FANCC: variants seen among roughly 807,000 people sequenced by gnomAD.
FANCC encodes Fanconi anemia group C protein.
Under a neutral mutation model 71.3 loss-of-function variants are expected in FANCC, and 55 were observed. The observed-to-expected ratio is 0.77, with a 90% CI of 0.62 to 0.97. FANCC has a LOEUF of 0.97. FANCC is among the 50% of genes least tolerant of loss of function. FANCC has a pLI of 0.00. For missense variants in FANCC, 678 were observed against 670.9 expected (o/e 1.01, Z -0.12); for synonymous variants, 275 against 244.9 (o/e 1.12, Z -1.15).
At chr9:95,115,966 A>G (rs1009881060) in intron 11 of FANCC, among the ~76,000 whole-genome samples, 2 of 152,238 alleles carry the variant, frequency 1.3e-5, no homozygotes, top group African/African-American at 4.8e-5. Context: ...CACTTCTTCA[A>G]TCTGTGACCA....
At chr9:95,177,420 C>T (rs1192437144) in intron 4 of FANCC, among the ~76,000 whole-genome samples, 2 of 152,188 alleles carry the variant, frequency 1.3e-5, no homozygotes, top group Non-Finnish European at 2.9e-5. Flanking sequence ...CATGACTCTG[C>T]ACCACTGTAG....
At chr9:95,103,994 C>T (rs1201286297) in intron 14 of FANCC, among the ~76,000 whole-genome samples, 1 of 152,172 alleles carries the variant, frequency 6.6e-6, no homozygotes, top group East Asian at 1.9e-4. Flanking sequence ...GAGGTGGCTG[C>T]GCTCGTGCTA....
chr9:95,161,929 C>T (rs1022092944), intron 6 of FANCC, among the ~76,000 whole-genome samples: 3 of 151,366 alleles, frequency 2.0e-5, no homozygotes, highest in East Asian at 3.9e-4. Flanking sequence ...GCAACCTCCG[C>T]TTCCCAGGTT....
intron 4 of FANCC, among the ~76,000 whole-genome samples, chr9:95,211,347 G>C: frequency 6.6e-6 from 1 of 152,164 alleles, no homozygotes; most frequent in East Asian, 1.9e-4. Context: ...ATAGAGAAAA[G>C]GCTCCAGAAA....
intron 4 of FANCC, among the ~76,000 whole-genome samples, chr9:95,211,730 C>T (rs1052482272): frequency 2.0e-5 from 3 of 151,362 alleles, no homozygotes; most frequent in Non-Finnish European, 4.4e-5. Context: ...TGACCCATAA[C>T]CAAAAAGAAA....
At position 95,238,886 on chromosome 9, in the gene FANCC, GGCT is replaced by G. The variant is rs556192628; in HGVS notation, c.345+1760_345+1762del. ...ATTTCTCTGTTTTAAATACTCTGGT[GGCT>G]GCCCCACTGTCATCAAGATAAAAAC... On this transcript the variant is annotated intron_variant, in intron 4 of 14. Transcript: ENST00000289081. Among the ~76,000 whole-genome samples, 538 of 152,190 alleles carry G rather than the reference GGCT, an allele frequency of 3.5e-3. 5 individuals are homozygous for G. The highest frequency in any genetic ancestry group is 5.0e-3 in the Non-Finnish European group (338 of 68,010).
intron 4 of FANCC, among the ~76,000 whole-genome samples, chr9:95,179,658 C>G (rs1292880702): frequency 6.6e-6 from 1 of 152,080 alleles, no homozygotes; most frequent in Non-Finnish European, 1.5e-5. Flanking sequence ...GTATTCTATT[C>G]TTAAGAGGAT....
chr9:95,256,510 C>T (rs1831666925), intron 1 of FANCC, among the ~76,000 whole-genome samples: 1 of 152,128 alleles, frequency 6.6e-6, no homozygotes, highest in African/African-American at 2.4e-5. Context: ...CACCACCAGG[C>T]CTGCCTTACA....
At chr9:95,242,596 T>C (rs1830702421) in intron 3 of FANCC, among the ~76,000 whole-genome samples, 1 of 151,818 alleles carries the variant, frequency 6.6e-6, no homozygotes, top group Non-Finnish European at 1.5e-5. Flanking sequence ...TATGCAAACT[T>C]AGTTCAAAAG....
At chr9:95,278,694 A>G (rs529241060) in intron 1 of FANCC, among the ~76,000 whole-genome samples, 2 of 152,322 alleles carry the variant, frequency 1.3e-5, no homozygotes, top group African/African-American at 4.8e-5. Flanking sequence ...AATATTTTCA[A>G]CTTATGATGA....
Position 95,125,144 on chromosome 9 carries a change from G to T in FANCC, c.938C>A (p.Ala313Asp). Residue 313 changes from alanine to aspartate, a missense_variant, in exon 10 of 15, where the codon GCC (alanine) becomes GAC (aspartate). By Grantham distance (126) the Ala-to-Asp change is moderately radical (BLOSUM62 -2). Transcript: ENST00000289081. ...GCACTGCGTAAACACCTGAATAGTG[G>T]CTATGATTTCCAGGGCCCCATCGGT... ...LETDGALEII[A>D]TIQVFTQCFV... The T allele has an allele frequency of 1.2e-6, 2 of 1,614,178 alleles. No homozygotes were observed. The highest frequency in any genetic ancestry group is 1.7e-6 in the Non-Finnish European group (2 of 1,180,030).
intron 4 of FANCC, among the ~76,000 whole-genome samples, chr9:95,230,741 G>A (rs1829954426): frequency 6.6e-6 from 1 of 152,160 alleles, no homozygotes; most frequent in Non-Finnish European, 1.5e-5. Flanking sequence ...CCACAGTGTG[G>A]AAGGCGACCC....
chr9:95,224,168 A>G (rs1014617671), intron 4 of FANCC, among the ~76,000 whole-genome samples: 2 of 152,208 alleles, frequency 1.3e-5, no homozygotes, highest in African/African-American at 4.8e-5. Flanking sequence ...CTGAACACAT[A>G]AACATTTAAA....
intron 6 of FANCC, among the ~76,000 whole-genome samples, chr9:95,153,985 C>T (rs967999715): frequency 6.6e-6 from 1 of 152,108 alleles, no homozygotes; most frequent in Non-Finnish European, 1.5e-5. Flanking sequence ...GTGGCTCATG[C>T]CTGTAATCCC....
chr9:95,166,499 C>T (rs1831078121), intron 6 of FANCC, among the ~76,000 whole-genome samples: 1 of 152,056 alleles, frequency 6.6e-6, no homozygotes, highest in Admixed American at 6.5e-5. Context: ...CATTTCCCTC[C>T]CCAGTTTATG....
intron 4 of FANCC, among the ~76,000 whole-genome samples, chr9:95,200,250 C>G (rs964541493): frequency 6.6e-6 from 1 of 152,186 alleles, no homozygotes; most frequent in Admixed American, 6.5e-5. Flanking sequence ...TAGTACCCAC[C>G]ACTTACTGGC....
At position 95,292,529 on chromosome 9, in the gene FANCC, G is replaced by A. The variant is rs1051565859; in HGVS notation, c.-79+24997C>T. The A allele has an allele frequency of 1.0e-5, 15 of 1,487,900 alleles. No homozygotes were observed. In the African/African-American group the frequency reaches 1.1e-4, roughly 11 times the overall value. 92.2% of individuals were successfully genotyped at this position (1,487,900 alleles called of 1,614,324 possible). On this transcript the variant is annotated intron_variant, in intron 1 of 14. Transcript: ENST00000289081. ...AGCAGCCCGCGGCCTCCGTGCTGGC[G>A]GGGGAGCTGATCCAGCAGTAGGTGA... is the stretch of plus-strand genomic sequence containing the variant.
intron 1 of FANCC, among the ~76,000 whole-genome samples, chr9:95,313,857 T>C (rs145744335): frequency 8.3e-4 from 127 of 152,304 alleles, no homozygotes; most frequent in Admixed American, 2.3e-3. Flanking sequence ...GTCATCTCAA[T>C]AGATGCAGAA....
chr9:95,117,434 G>C (rs1268132948), intron 10 of FANCC, 44 bp from the exon 11 acceptor site: 2 of 1,541,232 alleles, frequency 1.3e-6, no homozygotes, highest in Middle Eastern at 1.7e-4. Context: ...CATTAAGATT[G>C]AAACGGGGTC....
Sources: gnomAD v4.1 joint callset for allele counts (sites outside exome capture counted in the v4.1 genomes callset) on GRCh38, gnomAD v4.1.1 for gene constraint, MANE v1.5 for transcripts, NCBI Gene and HGNC (gene_info 2026-07-23, HGNC 2026-07-21) for gene names.